CRTAC1: variants seen among roughly 807,000 people sequenced by gnomAD.
The protein encoded by CRTAC1 is cartilage acidic protein 1, also known as acidic secreted protein in cartilage.
Under a neutral mutation model 67.8 loss-of-function variants are expected in CRTAC1, and 37 were observed. The observed-to-expected ratio is 0.55, with a 90% CI of 0.42 to 0.72. The LOEUF (loss-of-function observed/expected upper bound fraction) is 0.72, where lower values mean the gene tolerates loss of function less well. Among genes scored for constraint, CRTAC1 ranks in the 30% least tolerant of loss-of-function variants. CRTAC1 has a pLI of 0.00. For synonymous variants in CRTAC1, 348 were observed against 371.0 expected (o/e 0.94, Z 0.71); for missense variants, 780 against 931.6 (o/e 0.84, Z 2.12).
intron 11 of CRTAC1, among the ~76,000 whole-genome samples, chr10:97,885,330 T>C (rs906920118): frequency 6.6e-6 from 1 of 152,078 alleles, no homozygotes; most frequent in Non-Finnish European, 1.5e-5. Flanking sequence ...TGAGACCCTG[T>C]TTCTGAAAAA....
At chr10:97,902,457 G>C (rs2050555196) in intron 7 of CRTAC1, among the ~76,000 whole-genome samples, 1 of 152,138 alleles carries the variant, frequency 6.6e-6, no homozygotes, top group Non-Finnish European at 1.5e-5. Flanking sequence ...AGCTACACCT[G>C]TCCAGGACTA....
Position 97,895,767 on chromosome 10 carries a change from G to A in CRTAC1, c.1317+118C>T. ...ATTTACTTCCCTCCTCCAGGGCCCG[G>A]GACTTCCATTACCCACCATGCTGGC... On this transcript the variant is annotated intron_variant, in intron 10 of 14. Transcript: ENST00000370597. This position sits in a 1 kb window ranked among gnomAD's most constrained non-coding sequence, Gnocchi z 4.2. 1 of 794,470 alleles carries A rather than the reference G, an allele frequency of 1.3e-6. No homozygotes were observed. The highest frequency in any genetic ancestry group is 2.6e-5 in the Admixed American group (1 of 38,804). The allele number at this position is 794,470 out of a possible 1,614,324, so 49.2% of individuals were successfully genotyped here.
At chr10:97,942,802 C>T (rs1442751605) in intron 2 of CRTAC1, among the ~76,000 whole-genome samples, 2 of 151,266 alleles carry the variant, frequency 1.3e-5, no homozygotes, top group African/African-American at 4.9e-5. Context: ...TATGGTAGCT[C>T]ATGCCTGTAA....
chr10:97,884,259 C>T lies in CRTAC1; in HGVS notation c.1579G>A (p.Glu527Lys). The T allele has an allele frequency of 6.4e-7, 1 of 1,564,542 alleles. No homozygotes were observed. The highest frequency in any genetic ancestry group is 8.7e-7 in the Non-Finnish European group (1 of 1,153,502). ...TCCTCATCCCGGGGGTAGAGGATCTCCAGCACTGAGTTCATCTCCCCGCTG... is the reference window on the plus strand; with the variant it reads ...TCCTCATCCCGGGGGTAGAGGATCTTCAGCACTGAGTTCATCTCCCCGCTG... ...VASGEMNSVL[E>K]ILYPRDEDTL... Residue 527 changes from glutamate (E) to lysine (K), a missense_variant, in exon 12 of 15, where the codon GAG (glutamate) becomes AAG (lysine). Physicochemically the swap from Glu to Lys is moderately conservative, Grantham distance 56 (BLOSUM62 1). Coordinates refer to ENST00000370597, the MANE Select transcript of CRTAC1 (RefSeq NM_018058.7).
chr10:97,997,388 G>A (rs1175908334), intron 2 of CRTAC1, among the ~76,000 whole-genome samples: 4 of 147,786 alleles, frequency 2.7e-5, no homozygotes, highest in African/African-American at 1.0e-4. Flanking sequence ...GGGAGGTGGA[G>A]GTTGCAGTGA....
chr10:98,010,009 T>C (rs777589306), intron 2 of CRTAC1, among the ~76,000 whole-genome samples: 3 of 152,034 alleles, frequency 2.0e-5, no homozygotes, highest in Non-Finnish European at 4.4e-5. Context: ...TGATGCATAG[T>C]GTCTGGCACA....
At chr10:97,876,901 A>T (rs1048059220) in intron 14 of CRTAC1, among the ~76,000 whole-genome samples, 1 of 131,322 alleles carries the variant, frequency 7.6e-6, no homozygotes, top group East Asian at 2.3e-4. Context: ...AATTTGAGGC[A>T]CCTGTTCAAA....
chr10:97,948,750 G>A (rs545328199), intron 2 of CRTAC1, among the ~76,000 whole-genome samples: 2 of 152,304 alleles, frequency 1.3e-5, no homozygotes, highest in African/African-American at 2.4e-5. Flanking sequence ...AGAACTGCCC[G>A]AGACTGGGTA....
chr10:97,925,114 C>T (rs935252010), intron 3 of CRTAC1, among the ~76,000 whole-genome samples: 2 of 152,056 alleles, frequency 1.3e-5, no homozygotes, highest in Non-Finnish European at 2.9e-5. Context: ...AACCCTCCCC[C>T]TCAAAAATTA....
At chr10:97,953,393 A>G (rs2051391405) in intron 2 of CRTAC1, among the ~76,000 whole-genome samples, 1 of 152,102 alleles carries the variant, frequency 6.6e-6, no homozygotes, top group South Asian at 2.1e-4. Context: ...ACAAGCAGAG[A>G]TGCATCAAGG....
chr10:97,890,090 T>C (rs1018075846), intron 11 of CRTAC1, among the ~76,000 whole-genome samples: 1 of 150,374 alleles, frequency 6.7e-6, no homozygotes, highest in Non-Finnish European at 1.5e-5. Flanking sequence ...CCAGGATGTG[T>C]ACACACACAC....
At chr10:97,995,962 C>T (rs1452298811) in intron 2 of CRTAC1, among the ~76,000 whole-genome samples, 2 of 152,112 alleles carry the variant, frequency 1.3e-5, no homozygotes, top group African/African-American at 4.8e-5. Context: ...AGATCAAGAC[C>T]ATCCTGGCTA....
At chr10:97,867,253 G>A (rs1181056197) in intron 14 of CRTAC1, 1 of 152,388 alleles carries the variant, frequency 6.6e-6, no homozygotes, top group Non-Finnish European at 1.5e-5. Context: ...GAAAGGAGAT[G>A]TCCAGCCAAT....
At chr10:98,010,863 G>C (rs1267944509) in intron 2 of CRTAC1, among the ~76,000 whole-genome samples, 1 of 152,168 alleles carries the variant, frequency 6.6e-6, no homozygotes, top group Admixed American at 6.5e-5. Context: ...CCTTAAAGCA[G>C]AGCATTCCAG....
At chr10:97,984,311 G>A (rs192562134) in intron 2 of CRTAC1, among the ~76,000 whole-genome samples, 12 of 152,302 alleles carry the variant, frequency 7.9e-5, no homozygotes, top group African/African-American at 2.4e-4. Flanking sequence ...ATCCAAATGA[G>A]TGTCCCTCCC....
At chr10:97,901,311 C>T (rs749820848) in intron 8 of CRTAC1, among the ~76,000 whole-genome samples, 192 bp downstream of exon 8, 9 of 152,242 alleles carry the variant, frequency 5.9e-5, no homozygotes, top group Non-Finnish European at 1.3e-4. Context: ...CTTTGCCCTG[C>T]ATTCCCACAG....
At chr10:97,912,629 G>A (rs2050703827) in intron 5 of CRTAC1, among the ~76,000 whole-genome samples, 2 of 152,208 alleles carry the variant, frequency 1.3e-5, no homozygotes, top group South Asian at 2.1e-4. Context: ...AGATGGTGGG[G>A]AGGGAGGGTG....
rs1185445079 is a variant in CRTAC1, at chr10:97,956,768, G to T, written c.225-20402C>A. Reference sequence around the variant, plus strand: ...CTGGGGTCACAAAAATGATCTCAGAGGTGTCAGGGGCAGGGAGAACTCTCT... The same window carrying T: ...CTGGGGTCACAAAAATGATCTCAGATGTGTCAGGGGCAGGGAGAACTCTCT... On this transcript the variant is annotated intron_variant, in intron 2 of 14. Transcript: ENST00000370597. Among the ~76,000 whole-genome samples, 6 of 151,904 alleles carry T rather than the reference G, an allele frequency of 3.9e-5. No homozygotes were observed. The East Asian group carries it at 1.2e-3, about 29-fold the overall frequency.
chr10:97,910,932 A>G (rs1436405306), intron 5 of CRTAC1, among the ~76,000 whole-genome samples: 2 of 152,186 alleles, frequency 1.3e-5, no homozygotes, highest in African/African-American at 2.4e-5. Flanking sequence ...CTGAATTCAC[A>G]TTGCTCCTCT....
Sources: gnomAD v4.1 joint callset for allele counts (sites outside exome capture counted in the v4.1 genomes callset) on GRCh38, gnomAD v4.1.1 for gene constraint, Gnocchi (gnomAD v3.1) non-coding constraint, MANE v1.5 for transcripts, NCBI Gene and HGNC (gene_info 2026-07-23, HGNC 2026-07-21) for gene names.